The following MITF variants were observed in gnomAD, a reference collection of about 807,000 sequenced individuals.
MITF encodes microphthalmia-associated transcription factor.
Under a neutral mutation model 60.5 loss-of-function variants are expected in MITF, and 17 were observed. That is an observed-to-expected ratio of 0.28 (90% CI 0.19 to 0.42). The LOEUF (loss-of-function observed/expected upper bound fraction) is 0.42. Ranked by LOEUF, MITF falls within the 10% of genes least tolerant of loss-of-function variation. MITF has a pLI of 1.00. For missense variants in MITF, 622 were observed against 683.5 expected (o/e 0.91, Z 1.00); for synonymous variants, 260 against 248.5 (o/e 1.05, Z -0.43).
chr3:69,869,399 G>C (rs763820018), intron 1 of MITF, among the ~76,000 whole-genome samples: 7 of 152,128 alleles, frequency 4.6e-5, no homozygotes, highest in Non-Finnish European at 1.0e-4. Flanking sequence ...GTGGCAGAAG[G>C]TTTAGAGAAG....
In MITF at chr3:69,951,808, ACAGCGTGTAT is replaced by A; in HGVS notation, c.881-3_887del. On this transcript the variant is annotated splice_acceptor_variant and splice_polypyrimidine_tract_variant and coding_sequence_variant and intron_variant, in exon 7 of 10. Coordinates refer to ENST00000352241, the MANE Select transcript of MITF (RefSeq NM_001354604.2). LOFTEE classifies it high-confidence loss of function. ...ACTTCTAATGACTTCATTCACGTGC[ACAGCGTGTAT>A]TTTTCCCACAGAGTCTGAAGCAAGA... 1 of 1,612,812 alleles carries A rather than the reference ACAGCGTGTAT, an allele frequency of 6.2e-7. No homozygotes were observed. Among genetic ancestry groups the A allele is most frequent in the South Asian group, 1.1e-5 (1 of 91,042 alleles).
chr3:69,805,825 A>G (rs978000456), intron 1 of MITF, among the ~76,000 whole-genome samples: 1 of 151,990 alleles, frequency 6.6e-6, no homozygotes, highest in African/African-American at 2.4e-5. Context: ...TGTCTGGCTA[A>G]TTTTTTAAAT....
chr3:69,809,340 C>T (rs948666426), intron 1 of MITF, among the ~76,000 whole-genome samples: 1 of 152,158 alleles, frequency 6.6e-6, no homozygotes, highest in African/African-American at 2.4e-5. Context: ...ACCCTGATCT[C>T]TGCTCAATTA....
At chr3:69,789,271 G>C (rs1224977831) in intron 1 of MITF, among the ~76,000 whole-genome samples, 1 of 152,086 alleles carries the variant, frequency 6.6e-6, no homozygotes, top group Non-Finnish European at 1.5e-5. Flanking sequence ...AATGCATAAA[G>C]AACTCCCACA....
chr3:69,916,924 A>T (rs545476353), intron 2 of MITF, among the ~76,000 whole-genome samples: 1 of 152,322 alleles, frequency 6.6e-6, no homozygotes, highest in South Asian at 2.1e-4. Flanking sequence ...CTGCCAGTCT[A>T]CCATTTTTAA....
At chr3:69,751,275 G>C in intron 1 of MITF, among the ~76,000 whole-genome samples, 1 of 152,172 alleles carries the variant, frequency 6.6e-6, no homozygotes, top group East Asian at 1.9e-4. Flanking sequence ...CAGACAGTTT[G>C]TAGAGTGTGG....
chr3:69,862,901 G>A, intron 1 of MITF, among the ~76,000 whole-genome samples: 1 of 152,106 alleles, frequency 6.6e-6, no homozygotes, highest in East Asian at 1.9e-4. Context: ...TAGTTTTTCT[G>A]ATATTATTTT....
At position 69,966,090 on chromosome 3, in the gene MITF, G is replaced by A. The variant is rs569971199; in HGVS notation, c.*842G>A. ...TTTTTTTTATTTTATTTTTGCTTTT[G>A]ATAAGAAAACCGAACTGGGCATATT... is the stretch of plus-strand genomic sequence containing the variant. On this transcript the variant is annotated 3_prime_UTR_variant, in exon 10 of 10. Transcript: ENST00000352241. The A allele has an allele frequency of 8.6e-6, 2 of 232,308 alleles. No individual in the cohort carries two copies. The highest frequency in any genetic ancestry group is 3.6e-4 in the South Asian group (2 of 5,508). 14.4% of individuals were successfully genotyped at this position (232,308 alleles called of 1,614,324 possible).
rs1703451970 is a variant in MITF, at chr3:69,739,675, A to G, written c.78A>G (p.Glu26=). The G allele has an allele frequency of 1.3e-6, 2 of 1,578,390 alleles. No homozygotes were observed. Among genetic ancestry groups the G allele is most frequent in the East Asian group, 4.6e-5 (2 of 43,730 alleles). ...ATGAAGAGCCCAAAACCTATTACGAACTCAAAAGTCAACCGCTGAAGAGCA... is the reference window on the plus strand; with the variant it reads ...ATGAAGAGCCCAAAACCTATTACGAGCTCAAAAGTCAACCGCTGAAGAGCA... ...EFHEEPKTYY[E]LKSQPLKSSS... Residue 26 remains glutamate (E), a synonymous_variant, in exon 1 of 10, where the codon GAA becomes GAG. Coordinates refer to ENST00000352241, the MANE Select transcript of MITF (RefSeq NM_001354604.2).
chr3:69,902,850 C>CT (rs1202506883), intron 2 of MITF, among the ~76,000 whole-genome samples: 113 of 148,040 alleles, frequency 7.6e-4, no homozygotes, highest in Middle Eastern at 3.5e-3. Context: ...TAATGTCTGC[C>CT]TTTTTTTTTA....
At chr3:69,897,805 T>G (rs957083179) in intron 2 of MITF, among the ~76,000 whole-genome samples, 1 of 152,192 alleles carries the variant, frequency 6.6e-6, no homozygotes, top group African/African-American at 2.4e-5. Context: ...CCTCATAAAT[T>G]AACATTTATT....
intron 2 of MITF, among the ~76,000 whole-genome samples, chr3:69,882,262 T>C (rs2064506601): frequency 6.6e-6 from 1 of 152,162 alleles, no homozygotes; most frequent in Admixed American, 6.5e-5. Context: ...GTATAGTCAT[T>C]GTGCCGTGAG....
At chr3:69,936,292 A>T (rs1353639072) in intron 2 of MITF, among the ~76,000 whole-genome samples, 1 of 152,228 alleles carries the variant, frequency 6.6e-6, no homozygotes, top group Non-Finnish European at 1.5e-5. Context: ...GCATTCTGCT[A>T]TTAACCTATT....
intron 1 of MITF, among the ~76,000 whole-genome samples, chr3:69,786,593 T>C (rs1475187901): frequency 1.3e-5 from 2 of 152,146 alleles, no homozygotes; most frequent in Admixed American, 1.3e-4. Flanking sequence ...CTTCAAGTTC[T>C]TATGGGTTGC....
chr3:69,866,846 T>C (rs77439256), intron 1 of MITF, among the ~76,000 whole-genome samples: 6 of 151,268 alleles, frequency 4.0e-5, no homozygotes, highest in African/African-American at 1.2e-4. Context: ...TTTTTTTTTT[T>C]CCTGACTGTG....
intron 2 of MITF, among the ~76,000 whole-genome samples, chr3:69,931,117 G>A (rs2065713478): frequency 6.6e-6 from 1 of 152,012 alleles, no homozygotes; most frequent in Non-Finnish European, 1.5e-5. Context: ...CTTTTACTTT[G>A]AATTGACATA....
At chr3:69,894,556 G>A (rs1449207236) in intron 2 of MITF, among the ~76,000 whole-genome samples, 1 of 151,704 alleles carries the variant, frequency 6.6e-6, no homozygotes, top group Non-Finnish European at 1.5e-5. Context: ...CTTGGTGGCG[G>A]GCACCTGTAA....
chr3:69,750,809 A>G (rs1046968557), intron 1 of MITF, among the ~76,000 whole-genome samples: 2 of 152,118 alleles, frequency 1.3e-5, no homozygotes, highest in African/African-American at 4.8e-5. Flanking sequence ...AGTGGGGGTG[A>G]TTTGCTCAAT....
At chr3:69,799,063 T>C (rs951646320) in intron 1 of MITF, among the ~76,000 whole-genome samples, 11 of 152,208 alleles carry the variant, frequency 7.2e-5, no homozygotes, top group African/African-American at 2.7e-4. Context: ...GGTATGTTTC[T>C]TTAGTTCCCC....
Sources: allele counts gnomAD v4.1 joint callset (sites outside exome capture counted in the v4.1 genomes callset), GRCh38; gene constraint gnomAD v4.1.1; transcripts MANE v1.5; gene names NCBI Gene and HGNC (gene_info 2026-07-23, HGNC 2026-07-21).